The following CADM2 variants were observed in gnomAD, a reference collection of about 807,000 sequenced individuals.
CADM2 encodes the protein immunoglobulin superfamily member 4D.
CADM2 carries 12 observed loss-of-function variants against 49.8 expected under a neutral mutation model. The observed-to-expected ratio is 0.24, with a 90% CI of 0.15 to 0.39. The LOEUF is 0.39. Ranked by LOEUF, CADM2 falls within the 10% of genes least tolerant of loss-of-function variation. CADM2 has a pLI of 1.00. For missense variants in CADM2, 378 were observed against 492.3 expected (o/e 0.77, Z 2.20); for synonymous variants, 214 against 175.4 (o/e 1.22, Z -1.74).
chr3:85,283,402 C>A (rs2043553014), intron 1 of CADM2, among the ~76,000 whole-genome samples: 1 of 151,590 alleles, frequency 6.6e-6, no homozygotes, highest in South Asian at 2.1e-4. Context: ...GTTATCAAAG[C>A]TGTCATCATT....
chr3:85,074,020 TA>T (rs368850456), intron 1 of CADM2, among the ~76,000 whole-genome samples: 11 of 151,978 alleles, frequency 7.2e-5, no homozygotes, highest in Admixed American at 5.2e-4. Context: ...AACGTACAAT[TA>T]AAAAAAATTC....
At chr3:85,250,954 T>A (rs1202071496) in intron 1 of CADM2, among the ~76,000 whole-genome samples, 1 of 151,818 alleles carries the variant, frequency 6.6e-6, no homozygotes, top group Non-Finnish European at 1.5e-5. Flanking sequence ...GCTGTTTTCA[T>A]TCCAAAATGT....
chr3:85,073,282 C>T lies in CADM2; in HGVS notation c.61+113614C>T, dbSNP rs373530630. Among the ~76,000 whole-genome samples the T allele has an allele frequency of 1.7e-4, 26 of 152,160 alleles. 1 individual carries two copies. The East Asian group carries it at 2.5e-3, about 15-fold the overall frequency. On this transcript the variant is annotated intron_variant, in intron 1 of 9. Transcript: ENST00000383699. ...ACAGTAAGATAATATACAGACTTTA[C>T]GTGATCTATCTGTCTCTTTTGCAGT...
intron 2 of CADM2, among the ~76,000 whole-genome samples, chr3:85,771,495 T>C (rs897929025): frequency 3.9e-5 from 6 of 152,150 alleles, no homozygotes; most frequent in Non-Finnish European, 7.4e-5. Flanking sequence ...CTCCCTGATA[T>C]TATTCGTACT....
At chr3:84,978,537 A>G (rs533184344) in intron 1 of CADM2, among the ~76,000 whole-genome samples, 12 of 152,278 alleles carry the variant, frequency 7.9e-5, no homozygotes, top group Non-Finnish European at 1.5e-4. Context: ...AAACATTTGT[A>G]ATTGTGTTTA....
chr3:85,942,743 A>G (rs1020827977), intron 7 of CADM2, among the ~76,000 whole-genome samples: 1 of 151,880 alleles, frequency 6.6e-6, no homozygotes, highest in Non-Finnish European at 1.5e-5. Flanking sequence ...ATTGTTGGAC[A>G]TTTGGGTTGG....
chr3:85,898,728 G>A (rs1715621796), intron 5 of CADM2, among the ~76,000 whole-genome samples: 1 of 151,224 alleles, frequency 6.6e-6, no homozygotes, highest in Non-Finnish European at 1.5e-5. Flanking sequence ...TGGACATTCA[G>A]GTTGTTTATA....
intron 5 of CADM2, among the ~76,000 whole-genome samples, chr3:85,902,874 C>T (rs1299334047): frequency 6.6e-6 from 1 of 151,592 alleles, no homozygotes. Flanking sequence ...TGTTGTTAAA[C>T]ATATTACATT....
At chr3:85,673,553 T>A (rs2065808165) in intron 1 of CADM2, among the ~76,000 whole-genome samples, 1 of 149,968 alleles carries the variant, frequency 6.7e-6, no homozygotes, top group Admixed American at 6.6e-5. Flanking sequence ...GGGAAGTACC[T>A]AAAAAAACAC....
chr3:85,155,045 A>C (rs376987406), intron 1 of CADM2, among the ~76,000 whole-genome samples: 1 of 150,004 alleles, frequency 6.7e-6, no homozygotes, highest in Admixed American at 6.6e-5. Flanking sequence ...CGAGCAAAAT[A>C]ACCAGCTAAC....
In CADM2 at chr3:85,537,485, C is replaced by T. The variant is rs909842522; in HGVS notation, c.62-189037C>T. Among the ~76,000 whole-genome samples, 26 of 72,228 alleles carry T rather than the reference C, an allele frequency of 3.6e-4. No homozygotes were observed. In the Admixed American group the frequency reaches 5.1e-3, roughly 14 times the overall value. 47.4% of individuals were successfully genotyped at this position (72,228 alleles called of 152,430 possible). ...GATTGGTCAAGTACAAGTACGCATG[C>T]ATGGTTGTTTGTGTGTGTGTGTGTG... On this transcript the variant is annotated intron_variant, in intron 1 of 9. Coordinates refer to ENST00000383699, the MANE Select transcript of CADM2 (RefSeq NM_001167675.2).
intron 8 of CADM2, among the ~76,000 whole-genome samples, chr3:86,064,363 G>A (rs1739062457): frequency 6.6e-6 from 1 of 152,078 alleles, no homozygotes; most frequent in African/African-American, 2.4e-5. Flanking sequence ...CTTCATCCAT[G>A]TCCCTACAAA....
At chr3:85,908,251 C>CTTTTTTTTTTTT (rs1559735108) in intron 5 of CADM2, among the ~76,000 whole-genome samples, 2 of 74,820 alleles carry the variant, frequency 2.7e-5, no homozygotes, top group African/African-American at 5.2e-5. Context: ...TTTTTTTTTT[C>CTTTTTTTTTTTT]TTCTTTTTTT....
At chr3:85,616,853 T>C (rs1232650171) in intron 1 of CADM2, among the ~76,000 whole-genome samples, 1 of 152,164 alleles carries the variant, frequency 6.6e-6, no homozygotes, top group Non-Finnish European at 1.5e-5. Context: ...TTCATTATGA[T>C]GAAAGACTGA....
At chr3:85,210,841 G>T (rs1044540512) in intron 1 of CADM2, among the ~76,000 whole-genome samples, 2 of 152,104 alleles carry the variant, frequency 1.3e-5, no homozygotes, top group African/African-American at 4.8e-5. Context: ...ACACCAGCCA[G>T]AATAGTTTGA....
intron 1 of CADM2, among the ~76,000 whole-genome samples, chr3:85,022,319 T>A (rs867551725): frequency 1.4e-4 from 21 of 152,188 alleles, no homozygotes; most frequent in African/African-American, 5.1e-4. Flanking sequence ...GGATACACTT[T>A]GTGCTTGTAA....
chr3:85,863,956 G>A (rs182723898), intron 3 of CADM2, among the ~76,000 whole-genome samples: 1 of 152,088 alleles, frequency 6.6e-6, no homozygotes, highest in Non-Finnish European at 1.5e-5. Context: ...TCAGCAAGTA[G>A]CATGTGTGGA....
intron 1 of CADM2, among the ~76,000 whole-genome samples, chr3:85,342,033 G>T (rs1266605558): frequency 1.3e-5 from 2 of 152,100 alleles, no homozygotes; most frequent in Non-Finnish European, 2.9e-5. Flanking sequence ...AAACTAAAGA[G>T]CTTCTGAACA....
intron 1 of CADM2, among the ~76,000 whole-genome samples, chr3:85,372,677 G>GA (rs1450429019): frequency 6.6e-6 from 1 of 151,970 alleles, no homozygotes; most frequent in South Asian, 2.1e-4. Context: ...ATACTGCTAT[G>GA]AAAAAATACC....
Sources: allele counts gnomAD v4.1 joint callset (sites outside exome capture counted in the v4.1 genomes callset), GRCh38; gene constraint gnomAD v4.1.1; transcripts MANE v1.5; gene names NCBI Gene and HGNC (gene_info 2026-07-23, HGNC 2026-07-21).